Variants in PFKP observed in about 807,000 individuals in gnomAD.
PFKP encodes the protein ATP-dependent 6-phosphofructokinase, platelet type.
Under a neutral mutation model 94.3 loss-of-function variants are expected in PFKP, and 101 were observed. The ratio of observed to expected loss-of-function variants is 1.07; its 90% confidence interval spans 0.91 to 1.26. The LOEUF (loss-of-function observed/expected upper bound fraction) is 1.26, where lower values mean the gene tolerates loss of function less well. Among genes scored for constraint, PFKP ranks in the 50% most tolerant of loss-of-function variants. The pLI is 0.00. For synonymous variants in PFKP, 573 were observed against 432.6 expected (o/e 1.32, Z -4.03); for missense variants, 1,145 against 1,103.3 (o/e 1.04, Z -0.53).
intron 2 of PFKP, among the ~76,000 whole-genome samples, chr10:3,086,422 G>A (rs1422072552): frequency 1.3e-5 from 2 of 152,210 alleles, no homozygotes; most frequent in Non-Finnish European, 2.9e-5. Flanking sequence ...TTCGGTCCCC[G>A]ACCCCTGGCC....
intron 7 of PFKP, among the ~76,000 whole-genome samples, chr10:3,105,892 T>A (rs1835495176): frequency 6.6e-6 from 1 of 152,160 alleles, no homozygotes; most frequent in Non-Finnish European, 1.5e-5. Flanking sequence ...TTAATCCACA[T>A]CATGGAGTGG....
At chr10:3,093,916 T>G (rs953406871) in intron 2 of PFKP, among the ~76,000 whole-genome samples, 2 of 152,198 alleles carry the variant, frequency 1.3e-5, no homozygotes, top group African/African-American at 2.4e-5. Context: ...GTGCTGGGAT[T>G]ACAGGCGTGA....
intron 16 of PFKP, among the ~76,000 whole-genome samples, chr10:3,127,674 G>A (rs114470242): frequency 0.012 from 1,810 of 152,316 alleles, 42 homozygotes; most frequent in African/African-American, 0.042. Context: ...GGCAGTTGTG[G>A]GCTCTTTGGA....
At chr10:3,092,490 GTATTA>G (rs147577924) in intron 2 of PFKP, among the ~76,000 whole-genome samples, 2,801 of 152,060 alleles carry the variant, frequency 0.018, 86 homozygotes, top group African/African-American at 0.065. Flanking sequence ...TAGCAACAGC[GTATTA>G]TATTAATGTA....
At chr10:3,118,916 C>A (rs1371657266) in intron 15 of PFKP, 47 bp downstream of exon 15, 3 of 1,430,996 alleles carry the variant, frequency 2.1e-6, no homozygotes, top group Non-Finnish European at 2.9e-6. Context: ...GTGAGCCGCG[C>A]CCTGTGTTGG....
chr10:3,087,079 T>G (rs773820818), intron 2 of PFKP, among the ~76,000 whole-genome samples: 1 of 152,116 alleles, frequency 6.6e-6, no homozygotes, highest in Non-Finnish European at 1.5e-5. Flanking sequence ...TTCAAGCGAT[T>G]CTCCTGCCTC....
chr10:3,135,747 A>G lies in PFKP; in HGVS notation c.2134A>G (p.Thr712Ala). The G allele has an allele frequency of 1.9e-6, 3 of 1,608,312 alleles. No homozygotes were observed. Among genetic ancestry groups the G allele is most frequent in the Non-Finnish European group, 2.6e-6 (3 of 1,175,572 alleles). ...AAAATCTTTTATAGGAAAAAAATTT[A>G]CCACCGATGATTCCATTTGTGTGCT... ...KEARGRGKKF[T>A]TDDSICVLGI... The change falls in exon 21 of 22, where the codon ACC becomes GCC. Residue 712 changes from threonine to alanine, a missense_variant. Physicochemically the swap from Thr to Ala is moderately conservative, Grantham distance 58 (BLOSUM62 0). Transcript: ENST00000381125.
intron 1 of PFKP, among the ~76,000 whole-genome samples, chr10:3,080,795 C>G (rs1286334578): frequency 6.6e-6 from 1 of 152,070 alleles, no homozygotes; most frequent in Non-Finnish European, 1.5e-5. Flanking sequence ...CAGTGTGGCT[C>G]ATGTCAGAGG....
intron 19 of PFKP, 124 bp from the exon 20 acceptor site, chr10:3,134,359 C>T (rs1489515451): frequency 1.5e-6 from 1 of 666,332 alleles, no homozygotes; most frequent in Non-Finnish European, 2.7e-6. Flanking sequence ...AGGTTTTGTT[C>T]TGTTCCAACT....
At chr10:3,110,722 A>G (rs1468765965) in intron 10 of PFKP, among the ~76,000 whole-genome samples, 1 of 151,976 alleles carries the variant, frequency 6.6e-6, no homozygotes, top group Non-Finnish European at 1.5e-5. Flanking sequence ...GTGTGTATGT[A>G]TGTATATGTG....
rs142574608 is a variant in PFKP at position 3,112,248 on chromosome 10, C to T, written c.1116C>T (p.Asp372=). The change falls in exon 11 of 22, where the codon GAC becomes GAT. Residue 372 remains aspartate (D), a synonymous_variant. Transcript: ENST00000381125. ...QMTQDVQKAM[D]ERRFQDAVRL... is the part of the protein sequence containing the mutation. ...CTCAGGATGTGCAGAAGGCGATGGACGAGAGGAGATTTCAAGATGCGGTTC... is the reference window on the plus strand; with the variant it reads ...CTCAGGATGTGCAGAAGGCGATGGATGAGAGGAGATTTCAAGATGCGGTTC... 4.6e-5 allele frequency: 74 copies of T among 1,613,736 alleles called. No individual in the cohort carries two copies. The highest frequency in any genetic ancestry group is 1.2e-4 in the South Asian group (11 of 91,082).
intron 13 of PFKP, among the ~76,000 whole-genome samples, chr10:3,115,833 G>A (rs1303440476): frequency 6.6e-6 from 1 of 152,144 alleles, no homozygotes; most frequent in African/African-American, 2.4e-5. Context: ...CCCAGCCCAG[G>A]AGACTGAGGA....
At position 3,101,176 on chromosome 10, in the gene PFKP, T is replaced by C. The variant is rs1164567920; in HGVS notation, c.265-189T>C. Among the ~76,000 whole-genome samples the C allele has an allele frequency of 2.0e-5, 3 of 152,190 alleles. No homozygotes were observed. The East Asian group carries it at 5.8e-4, about 29-fold the overall frequency. On this transcript the variant is annotated intron_variant, in intron 3 of 21. Transcript: ENST00000381125. ...CCTGGGTGTCACGCGCCTGTCTTTGTCCATGGAATGCTGGTCTGGGACTAA... is the reference window on the plus strand; with the variant it reads ...CCTGGGTGTCACGCGCCTGTCTTTGCCCATGGAATGCTGGTCTGGGACTAA...
chr10:3,087,357 C>T (rs1013930593), intron 2 of PFKP, among the ~76,000 whole-genome samples: 1 of 152,126 alleles, frequency 6.6e-6, no homozygotes. Flanking sequence ...GACTCCATGG[C>T]CGCAGGTGCT....
intron 1 of PFKP, among the ~76,000 whole-genome samples, chr10:3,081,635 T>C (rs992984854): frequency 1.3e-5 from 2 of 152,056 alleles, no homozygotes; most frequent in Non-Finnish European, 2.9e-5. Flanking sequence ...GGCCCAGAGG[T>C]GGTTCCGAGA....
chr10:3,116,806 G>T lies in PFKP; in HGVS notation c.1402G>T (p.Gly468Cys). Residue 468 changes from glycine (G) to cysteine (C), a missense_variant, in exon 14 of 22, where the codon GGC (glycine) becomes TGC (cysteine). Coordinates refer to ENST00000381125, the MANE Select transcript of PFKP (RefSeq NM_002627.5). ...IKEIGWTDVG[G>C]WTGQGGSILG... ...AGAAATCGGCTGGACAGATGTCGGG[G>T]GCTGGACCGGCCAAGGAGGCTCCAT... The T allele has an allele frequency of 6.2e-7, 1 of 1,613,908 alleles. No homozygotes were observed. The highest frequency in any genetic ancestry group is 8.5e-7 in the Non-Finnish European group (1 of 1,179,758).
intron 2 of PFKP, among the ~76,000 whole-genome samples, chr10:3,093,220 C>T (rs1310926095): frequency 3.9e-5 from 6 of 151,928 alleles, no homozygotes; most frequent in Non-Finnish European, 8.8e-5. Context: ...TCTGTCTCAC[C>T]CCTCCCATCC....
chr10:3,094,485 A>G (rs1327687379), intron 2 of PFKP, among the ~76,000 whole-genome samples: 7 of 152,194 alleles, frequency 4.6e-5, no homozygotes. Flanking sequence ...GAAATCAGTG[A>G]GGGTGCTTTG....
In PFKP at chr10:3,106,264, G is replaced by GAACCCCTGTCAATCACACCAGCACCCTCC. The variant is rs1564308664; in HGVS notation, c.774+764_774+765insACCCCTGTCAATCACACCAGCACCCTCCA. On this transcript the variant is annotated intron_variant, in intron 7 of 21. Coordinates refer to ENST00000381125, the MANE Select transcript of PFKP (RefSeq NM_002627.5). ...TCCACCTGTGTGTCCTTCCCCATGG[G>GAACCCCTGTCAATCACACCAGCACCCTCC]AGGCAGAAAGCATGGCGTGCACGGG... 1.1e-4 allele frequency among the ~76,000 whole-genome samples: 12 copies of GAACCCCTGTCAATCACACCAGCACCCTCC among 104,596 alleles called. 1 individual carries two copies. Among genetic ancestry groups the GAACCCCTGTCAATCACACCAGCACCCTCC allele is most frequent in the African/African-American group, 4.5e-4 (12 of 26,426 alleles). The allele number at this position is 104,596 out of a possible 152,430, so 68.6% of individuals were successfully genotyped here.
Sources: allele counts gnomAD v4.1 joint callset (sites outside exome capture counted in the v4.1 genomes callset), GRCh38; gene constraint gnomAD v4.1.1; transcripts MANE v1.5; gene names NCBI Gene and HGNC (gene_info 2026-07-23, HGNC 2026-07-21).